Variants in MVB12B observed in about 807,000 individuals in gnomAD.
MVB12B encodes multivesicular body subunit 12B.
MVB12B carries 16 observed loss-of-function variants against 41.6 expected under a neutral mutation model. That is an observed-to-expected ratio of 0.38 (90% CI 0.26 to 0.58). The LOEUF is 0.58. Among genes scored for constraint, MVB12B ranks in the 20% least tolerant of loss-of-function variants. The probability of loss-of-function intolerance (pLI) is 0.62; values close to 1 mark genes in which losing one functional copy is unlikely to be tolerated. For missense variants in MVB12B, 274 were observed against 380.2 expected, an observed-to-expected ratio of 0.72 and a Z score of 2.32; for synonymous variants, 133 against 139.7, an observed-to-expected ratio of 0.95 and a Z score of 0.34.
chr9:126,458,590 T>G (rs1833032361), intron 7 of MVB12B, among the ~76,000 whole-genome samples: 1 of 152,220 alleles, frequency 6.6e-6, no homozygotes, highest in Non-Finnish European at 1.5e-5. Flanking sequence ...CTGTTGGGCC[T>G]TGCGTTTCAT....
rs544593970 is a variant in MVB12B, at chr9:126,440,668, T to G, written c.757+18720T>G. On this transcript the variant is annotated intron_variant, in intron 7 of 9. Transcript: ENST00000361171. ...AAAATCTGTTTTGGTATTTCCCTCT[T>G]TCAGAGAAATATTGAAAAGTACATT... Among the ~76,000 whole-genome samples the G allele has an allele frequency of 5.3e-5, 8 of 152,346 alleles. No individual in the cohort carries two copies. The South Asian group carries it at 1.4e-3, about 28-fold the overall frequency.
intron 4 of MVB12B, among the ~76,000 whole-genome samples, chr9:126,387,968 T>C (rs1213147916): frequency 6.6e-6 from 1 of 152,242 alleles, no homozygotes; most frequent in Non-Finnish European, 1.5e-5. Flanking sequence ...AGCATGTGTA[T>C]AAGCACCTTT....
At chr9:126,411,679 A>T (rs764889774) in intron 6 of MVB12B, among the ~76,000 whole-genome samples, 17 of 152,254 alleles carry the variant, frequency 1.1e-4, no homozygotes, top group Non-Finnish European at 1.9e-4. Flanking sequence ...GTGACAAATG[A>T]TAGTAAACTT....
intron 2 of MVB12B, among the ~76,000 whole-genome samples, chr9:126,374,914 C>T (rs1257428457): frequency 6.6e-6 from 1 of 152,178 alleles, no homozygotes; most frequent in African/African-American, 2.4e-5. Flanking sequence ...CAAAGTGATG[C>T]CTGCGTGCAC....
At chr9:126,424,859 T>G (rs182378608) in intron 7 of MVB12B, among the ~76,000 whole-genome samples, 103 of 152,312 alleles carry the variant, frequency 6.8e-4, no homozygotes, top group Non-Finnish European at 1.3e-3. Context: ...AAAATACAGA[T>G]GTGCAAAAAG....
intron 6 of MVB12B, among the ~76,000 whole-genome samples, chr9:126,401,079 AGCT>A (rs1360343927): frequency 6.6e-6 from 1 of 152,150 alleles, no homozygotes; most frequent in African/African-American, 2.4e-5. Context: ...CTGAGGGAGA[AGCT>A]GCTGCCCAAA....
intron 7 of MVB12B, among the ~76,000 whole-genome samples, chr9:126,454,383 C>G (rs1310105889): frequency 6.6e-6 from 1 of 152,224 alleles, no homozygotes; most frequent in African/African-American, 2.4e-5. Flanking sequence ...CATTTGTGTT[C>G]AGCTAGAGCC....
At chr9:126,388,195 A>C (rs1254064680) in intron 4 of MVB12B, among the ~76,000 whole-genome samples, 2 of 150,376 alleles carry the variant, frequency 1.3e-5, no homozygotes, top group Non-Finnish European at 3.0e-5. Context: ...TCCAACCCTC[A>C]CCTCCCCACT....
chr9:126,362,259 C>T (rs1402861620), intron 2 of MVB12B, among the ~76,000 whole-genome samples: 2 of 151,988 alleles, frequency 1.3e-5, no homozygotes, highest in South Asian at 4.2e-4. Context: ...GATATTGTCC[C>T]ACAGCTTAAA....
chr9:126,354,226 C>T (rs1158998875), intron 2 of MVB12B, among the ~76,000 whole-genome samples: 1 of 152,090 alleles, frequency 6.6e-6, no homozygotes, highest in African/African-American at 2.4e-5. Flanking sequence ...GGTTCTTTGC[C>T]TGTTATATAT....
intron 2 of MVB12B, among the ~76,000 whole-genome samples, chr9:126,360,220 T>C (rs564023015): frequency 6.6e-6 from 1 of 152,192 alleles, no homozygotes; most frequent in Non-Finnish European, 1.5e-5. Flanking sequence ...TTCCATGTAT[T>C]TGGGGACTTC....
In MVB12B at chr9:126,327,370, C is replaced by G. The variant is rs1456973532; in HGVS notation, c.81+360C>G. 4 of 974,142 alleles carry G rather than the reference C, an allele frequency of 4.1e-6. No individual in the cohort carries two copies. In the African/African-American group the frequency reaches 5.3e-5, roughly 13 times the overall value. The allele number at this position is 974,142 out of a possible 1,614,324, so 60.3% of individuals were successfully genotyped here. ...CACCTGGGCACAGACTGGGAACAGT[C>G]AATCGTTTGACCGGCCTGGCCTGGG... On this transcript the variant is annotated intron_variant, in intron 1 of 9. Coordinates refer to ENST00000361171, the MANE Select transcript of MVB12B (RefSeq NM_033446.3).
intron 1 of MVB12B, among the ~76,000 whole-genome samples, chr9:126,330,733 C>T (rs778776967): frequency 3.3e-5 from 5 of 152,150 alleles, no homozygotes; most frequent in African/African-American, 4.8e-5. Flanking sequence ...AAAACCGAAA[C>T]GCTGTGCTCA....
chr9:126,498,490 T>C (rs28562104), intron 9 of MVB12B, among the ~76,000 whole-genome samples: 43,040 of 152,038 alleles, frequency 0.28, 7,849 homozygotes, highest in African/African-American at 0.52. Context: ...ACACCATTCC[T>C]GGCCCTATCG....
At chr9:126,342,696 C>G (rs1829480459) in intron 2 of MVB12B, among the ~76,000 whole-genome samples, 1 of 152,146 alleles carries the variant, frequency 6.6e-6, no homozygotes, top group Admixed American at 6.5e-5. Context: ...GGCCTCTGGA[C>G]TGTGTGCAGA....
chr9:126,447,720 C>A (rs938044654), intron 7 of MVB12B, among the ~76,000 whole-genome samples: 1 of 152,138 alleles, frequency 6.6e-6, no homozygotes, highest in Non-Finnish European at 1.5e-5. Flanking sequence ...GGTATGTATA[C>A]CCCCATATAG....
At chr9:126,328,930 G>A (rs927719074) in intron 1 of MVB12B, among the ~76,000 whole-genome samples, 2 of 151,974 alleles carry the variant, frequency 1.3e-5, no homozygotes, top group Admixed American at 1.3e-4. Context: ...CTGCCACCAC[G>A]CTCGGCTGTT....
Position 126,505,656 on chromosome 9 carries a change from G to C in MVB12B, c.*2393G>C, listed in dbSNP as rs1035249084. On this transcript the variant is annotated 3_prime_UTR_variant, in exon 10 of 10. Transcript: ENST00000361171. ...GGTGGGTGAGGACAAGCATGTGCCT[G>C]TGTGTGTGTGTGTGTGTGTGTGTAT... The C allele has an allele frequency of 4.6e-5, 6 of 129,696 alleles. No individual in the cohort carries two copies. The highest frequency in any genetic ancestry group is 8.3e-5 in the Non-Finnish European group (5 of 60,516). The allele number at this position is 129,696 out of a possible 1,614,324, so 8.0% of individuals were successfully genotyped here. A position where few individuals can be genotyped will look rare whatever the true frequency, so the allele number is the denominator to read the frequency against.
At position 126,392,299 on chromosome 9, in the gene MVB12B, C is replaced by T. The variant is rs940253315; in HGVS notation, c.539+104C>T. On this transcript the variant is annotated intron_variant, in intron 5 of 9. Coordinates refer to ENST00000361171, the MANE Select transcript of MVB12B (RefSeq NM_033446.3). This position sits in a 1 kb window ranked among gnomAD's most constrained non-coding sequence, Gnocchi z 4.8. The stretch of plus-strand genomic sequence containing the variant: ...AGATTTCCATGCAGCCCCCCAGGCT[C>T]TCAGCCATGGGCCTCTGTCAGCCCA... 17 of 1,369,280 alleles carry T rather than the reference C, an allele frequency of 1.2e-5. No homozygotes were observed. Among genetic ancestry groups the T allele is most frequent in the Middle Eastern group, 2.2e-4 (1 of 4,572 alleles). The allele number at this position is 1,369,280 out of a possible 1,614,324, so 84.8% of individuals were successfully genotyped here. A position where few individuals can be genotyped will look rare whatever the true frequency, so the allele number is the denominator to read the frequency against.
Sources: gnomAD v4.1 joint callset for allele counts (sites outside exome capture counted in the v4.1 genomes callset) on GRCh38, gnomAD v4.1.1 for gene constraint, Gnocchi (gnomAD v3.1) non-coding constraint, MANE v1.5 for transcripts, NCBI Gene and HGNC (gene_info 2026-07-23, HGNC 2026-07-21) for gene names.